Variants in LRBA observed in about 807,000 individuals in gnomAD.
LRBA encodes the protein LPS responsive beige-like anchor protein, also known as lipopolysaccharide-responsive and beige-like anchor protein.
Under a neutral mutation model 330.0 loss-of-function variants are expected in LRBA, and 176 were observed. That is an observed-to-expected ratio of 0.53 (90% CI 0.47 to 0.60). The LOEUF (loss-of-function observed/expected upper bound fraction) is 0.60, where lower values mean the gene tolerates loss of function less well. Among genes scored for constraint, LRBA ranks in the 20% least tolerant of loss-of-function variants. The pLI is 0.00. For synonymous variants in LRBA, 1,230 were observed against 1,193.0 expected (o/e 1.03, Z -0.64); for missense variants, 3,259 against 3,444.8 (o/e 0.95, Z 1.35).
chr4:150,424,510 T>C (rs559599003), intron 46 of LRBA, among the ~76,000 whole-genome samples: 12 of 152,306 alleles, frequency 7.9e-5, no homozygotes, highest in Non-Finnish European at 1.3e-4. Context: ...CACTTCAGGG[T>C]TGCAGGTGGC....
In LRBA at chr4:151,011,055, C is replaced by T. The variant is rs375552080; in HGVS notation, c.216+3372G>A. Among the ~76,000 whole-genome samples, 17 of 151,320 alleles carry T rather than the reference C, an allele frequency of 1.1e-4. No homozygotes were observed. The South Asian group carries it at 2.1e-3, about 19-fold the overall frequency. ...ACAAAAAATTAGCTGGGCGTGGTGG[C>T]GGGCACCTGTAGTCCCAGCTACTTG... is the stretch of plus-strand genomic sequence containing the variant. On this transcript the variant is annotated intron_variant, in intron 2 of 56. Coordinates refer to ENST00000651943, the MANE Select transcript of LRBA (RefSeq NM_001364905.1).
Position 150,421,139 on chromosome 4 carries a change from AAT to A in LRBA, c.7042-5551_7042-5550del, listed in dbSNP as rs547887347. ...ATTATAATATATATAAAGTATATAT[AAT>A]ATACATTATATTATATATAAAGTAT... On this transcript the variant is annotated intron_variant, in intron 46 of 56. Coordinates refer to ENST00000651943, the MANE Select transcript of LRBA (RefSeq NM_001364905.1). Among the ~76,000 whole-genome samples the A allele has an allele frequency of 8.1e-4, 82 of 101,146 alleles. 11 individuals are homozygous for A. Among genetic ancestry groups the A allele is most frequent in the African/African-American group, 3.1e-3 (78 of 24,896 alleles). The allele number at this position is 101,146 out of a possible 152,430, so 66.4% of individuals were successfully genotyped here. A position where few individuals can be genotyped will look rare whatever the true frequency, so the allele number is the denominator to read the frequency against.
chr4:150,949,488 A>T (rs1209724531), intron 2 of LRBA, among the ~76,000 whole-genome samples: 1 of 152,150 alleles, frequency 6.6e-6, no homozygotes, highest in Non-Finnish European at 1.5e-5. Flanking sequence ...GATTATACCA[A>T]TATCAATATT....
chr4:150,849,720 T>G lies in LRBA; in HGVS notation c.4005-145A>C, dbSNP rs1750372274. On this transcript the variant is annotated intron_variant, in intron 24 of 56. Transcript: ENST00000651943. ...TGATGCAGCAGGCATTTGGAGGGTGTATACTTCTTCAGAAGAAACAGACCA... is the reference window on the plus strand; with the variant it reads ...TGATGCAGCAGGCATTTGGAGGGTGGATACTTCTTCAGAAGAAACAGACCA... 3 of 636,166 alleles carry G rather than the reference T, an allele frequency of 4.7e-6. No individual in the cohort carries two copies. In the African/African-American group the frequency reaches 5.5e-5, roughly 12 times the overall value. 39.4% of individuals were successfully genotyped at this position (636,166 alleles called of 1,614,324 possible). A position where few individuals can be genotyped will look rare whatever the true frequency, so the allele number is the denominator to read the frequency against.
chr4:150,363,235 A>G (rs1263358290), intron 47 of LRBA, among the ~76,000 whole-genome samples: 1 of 152,210 alleles, frequency 6.6e-6, no homozygotes, highest in Non-Finnish European at 1.5e-5. Flanking sequence ...TGTCCATTCC[A>G]TCATCTTACT....
chr4:150,967,019 C>T (rs1162962438), intron 2 of LRBA, among the ~76,000 whole-genome samples: 1 of 152,150 alleles, frequency 6.6e-6, no homozygotes, highest in African/African-American at 2.4e-5. Flanking sequence ...TTGAGATCTA[C>T]TATTTACTCC....
At position 150,557,709 on chromosome 4, in the gene LRBA, T is replaced by C. The variant is rs116280209; in HGVS notation, c.6330+30339A>G. ...CTCATGGTTAGAATGGGGTTACAGG[T>C]TTTAGGAAGGAAGTCCACAGAGGTA... On this transcript the variant is annotated intron_variant, in intron 40 of 56. Transcript: ENST00000651943. 1.2e-3 allele frequency among the ~76,000 whole-genome samples: 176 copies of C among 152,178 alleles called. 3 individuals are homozygous for C. The highest frequency in any genetic ancestry group is 4.1e-3 in the African/African-American group (172 of 41,526).
intron 37 of LRBA, among the ~76,000 whole-genome samples, chr4:150,601,666 A>G (rs1280636133): frequency 6.6e-6 from 1 of 152,084 alleles, no homozygotes; most frequent in Non-Finnish European, 1.5e-5. Flanking sequence ...ATGCAGACAT[A>G]CATACTGTCT....
chr4:150,963,563 G>A (rs1479314094), intron 2 of LRBA, among the ~76,000 whole-genome samples: 2 of 149,536 alleles, frequency 1.3e-5, no homozygotes, highest in African/African-American at 2.6e-5. Flanking sequence ...CGCCTGCCTT[G>A]GCCTCCCAAA....
At chr4:150,854,396 G>A (rs1031419444) in intron 22 of LRBA, among the ~76,000 whole-genome samples, 23 of 152,110 alleles carry the variant, frequency 1.5e-4, no homozygotes, top group African/African-American at 5.3e-4. Context: ...TATTTGACAT[G>A]GGTTCTGTAT....
At chr4:150,754,521 C>CACCA (rs1734011253) in intron 35 of LRBA, among the ~76,000 whole-genome samples, 1 of 86,074 alleles carries the variant, frequency 1.2e-5, no homozygotes, top group Non-Finnish European at 2.1e-5. Flanking sequence ...CCTGTCTCAC[C>CACCA]AAAAAAAAAA....
chr4:150,607,406 T>A (rs995041083), intron 37 of LRBA, among the ~76,000 whole-genome samples: 1 of 151,568 alleles, frequency 6.6e-6, no homozygotes, highest in Admixed American at 6.6e-5. Context: ...AAAAAGATAA[T>A]GAGAATAAAA....
chr4:150,399,520 T>G (rs1346003061), intron 47 of LRBA, among the ~76,000 whole-genome samples: 1 of 152,192 alleles, frequency 6.6e-6, no homozygotes, highest in Non-Finnish European at 1.5e-5. Context: ...AGAGAGGTCC[T>G]CAAGCGGCTC....
chr4:150,717,254 T>G (rs1356655504), intron 36 of LRBA, among the ~76,000 whole-genome samples: 1 of 152,164 alleles, frequency 6.6e-6, no homozygotes, highest in Non-Finnish European at 1.5e-5. Flanking sequence ...GAAAAACAAG[T>G]GGTACTATAG....
In LRBA at chr4:150,321,135, G is replaced by T; in HGVS notation, c.7630+56C>A. 1 of 1,367,610 alleles carries T rather than the reference G, an allele frequency of 7.3e-7. No individual in the cohort carries two copies. Among genetic ancestry groups the T allele is most frequent in the Non-Finnish European group, 1.0e-6 (1 of 993,914 alleles). 84.7% of individuals were successfully genotyped at this position (1,367,610 alleles called of 1,614,324 possible). ...TGTTGAGATATGCTATATTTAAGTG[G>T]GTATTACACAGTGTTCAGCAGTTAC... On this transcript the variant is annotated intron_variant, in intron 50 of 56. Transcript: ENST00000651943. The surrounding 1 kb of genome is among the most constrained non-coding windows in gnomAD (Gnocchi z 4.5).
intron 37 of LRBA, among the ~76,000 whole-genome samples, chr4:150,660,485 G>T (rs1399927046): frequency 6.6e-6 from 1 of 151,472 alleles, no homozygotes; most frequent in African/African-American, 2.4e-5. Flanking sequence ...AGGTGGGGGG[G>T]GTCAGCCCCC....
intron 47 of LRBA, among the ~76,000 whole-genome samples, chr4:150,382,053 A>C (rs1445773950): frequency 1.3e-5 from 2 of 152,134 alleles, no homozygotes; most frequent in Admixed American, 1.3e-4. Flanking sequence ...TATAATCTGC[A>C]TAGTAGACTC....
At chr4:150,953,271 C>T (rs1418370819) in intron 2 of LRBA, among the ~76,000 whole-genome samples, 1 of 152,104 alleles carries the variant, frequency 6.6e-6, no homozygotes, top group Non-Finnish European at 1.5e-5. Flanking sequence ...TCACGAACAT[C>T]TATAGGATAT....
At chr4:150,652,858 T>C (rs1779831408) in intron 37 of LRBA, among the ~76,000 whole-genome samples, 1 of 152,182 alleles carries the variant, frequency 6.6e-6, no homozygotes, top group Middle Eastern at 3.2e-3. Context: ...CCTGCTTGTT[T>C]CCTTTTTGGT....
Sources: gnomAD v4.1 joint callset for allele counts (sites outside exome capture counted in the v4.1 genomes callset) on GRCh38, gnomAD v4.1.1 for gene constraint, Gnocchi (gnomAD v3.1) non-coding constraint, MANE v1.5 for transcripts, NCBI Gene and HGNC (gene_info 2026-07-23, HGNC 2026-07-21) for gene names.